Variants in PDGFC observed in about 807,000 individuals in gnomAD.
PDGFC encodes the protein platelet derived growth factor C.
A neutral mutation model predicts 35.5 loss-of-function variants in PDGFC; 12 were observed. The observed-to-expected ratio is 0.34, with a 90% CI of 0.22 to 0.55. The LOEUF is 0.55. Among genes scored for constraint, PDGFC ranks in the 20% least tolerant of loss-of-function variants. PDGFC has a pLI of 0.91. For synonymous variants in PDGFC, 159 were observed against 148.8 expected (o/e 1.07, Z -0.50); for missense variants, 322 against 412.4 (o/e 0.78, Z 1.90).
intron 1 of PDGFC, among the ~76,000 whole-genome samples, chr4:156,905,240 T>G (rs1320244817): frequency 2.0e-5 from 3 of 152,104 alleles, no homozygotes; most frequent in Non-Finnish European, 4.4e-5. Context: ...AATAAAAGTT[T>G]GGCAATCTGA....
chr4:156,773,884 C>T (rs1367941536), intron 3 of PDGFC, among the ~76,000 whole-genome samples: 1 of 152,178 alleles, frequency 6.6e-6, no homozygotes, highest in African/African-American at 2.4e-5. Flanking sequence ...AGACTGGAAG[C>T]AATCTAAATG....
intron 2 of PDGFC, among the ~76,000 whole-genome samples, chr4:156,813,601 G>A (rs780671559): frequency 6.6e-6 from 1 of 152,154 alleles, no homozygotes; most frequent in African/African-American, 2.4e-5. Context: ...GAAAGAAAGC[G>A]CTAAGCATGG....
intron 1 of PDGFC, among the ~76,000 whole-genome samples, chr4:156,913,287 T>C (rs532172990): frequency 2.6e-5 from 4 of 152,286 alleles, no homozygotes; most frequent in African/African-American, 4.8e-5. Context: ...TACAGAGCCC[T>C]ACAACGGAGT....
chr4:156,955,063 A>G (rs1732174140), intron 1 of PDGFC, among the ~76,000 whole-genome samples: 1 of 152,084 alleles, frequency 6.6e-6, no homozygotes, highest in African/African-American at 2.4e-5. Flanking sequence ...CTGAGAGTTT[A>G]GAGAAGAGAG....
At chr4:156,928,721 T>C (rs935101156) in intron 1 of PDGFC, among the ~76,000 whole-genome samples, 1 of 152,230 alleles carries the variant, frequency 6.6e-6, no homozygotes, top group African/African-American at 2.4e-5. Context: ...ATGAGAAATA[T>C]CCTTTTATGG....
At chr4:156,790,687 T>G (rs1429318711) in intron 3 of PDGFC, among the ~76,000 whole-genome samples, 2 of 152,214 alleles carry the variant, frequency 1.3e-5, no homozygotes, top group Non-Finnish European at 2.9e-5. Flanking sequence ...CCTCAAGATG[T>G]GAACTCCAAA....
At chr4:156,765,366 T>C (rs983676078) in intron 5 of PDGFC, among the ~76,000 whole-genome samples, 14 of 151,998 alleles carry the variant, frequency 9.2e-5, no homozygotes, top group South Asian at 6.2e-4. Flanking sequence ...AAATGATAAG[T>C]CCATGAAAAG....
intron 2 of PDGFC, among the ~76,000 whole-genome samples, chr4:156,817,659 T>C (rs1397337435): frequency 6.6e-6 from 1 of 152,014 alleles, no homozygotes; most frequent in Non-Finnish European, 1.5e-5. Flanking sequence ...TAACATGGAG[T>C]TTCATAGGAG....
chr4:156,774,083 AC>A (rs1473795374), intron 3 of PDGFC, among the ~76,000 whole-genome samples: 1 of 152,174 alleles, frequency 6.6e-6, no homozygotes, highest in Admixed American at 6.5e-5. Flanking sequence ...ATAAGATATT[AC>A]TGATCCTATG....
At chr4:156,850,106 A>T (rs751698787) in intron 2 of PDGFC, 115 bp downstream of exon 2, 18 of 533,964 alleles carry the variant, frequency 3.4e-5, no homozygotes, top group Non-Finnish European at 5.0e-5. Flanking sequence ...AATTTCTTAG[A>T]TCATCAGAAA....
chr4:156,938,439 C>T (rs1731732731), intron 1 of PDGFC, among the ~76,000 whole-genome samples: 1 of 152,054 alleles, frequency 6.6e-6, no homozygotes, highest in African/African-American at 2.4e-5. Flanking sequence ...TCCTGGGACC[C>T]ATAAAACTTT....
At chr4:156,857,292 A>C (rs1378508935) in intron 1 of PDGFC, among the ~76,000 whole-genome samples, 1 of 152,098 alleles carries the variant, frequency 6.6e-6, no homozygotes, top group Admixed American at 6.6e-5. Flanking sequence ...GTAAGATATA[A>C]CACATCATTG....
chr4:156,824,327 TACACACACACACACACACACAC>T (rs1204930651), intron 2 of PDGFC, among the ~76,000 whole-genome samples: 11 of 102,822 alleles, frequency 1.1e-4, no homozygotes, highest in East Asian at 6.8e-4. Context: ...TATATATATA[TACACACACACACACACACACAC>T]ATATACACAC....
At chr4:156,917,318 C>CA (rs1456314695) in intron 1 of PDGFC, among the ~76,000 whole-genome samples, 2 of 152,212 alleles carry the variant, frequency 1.3e-5, no homozygotes, top group Non-Finnish European at 2.9e-5. Flanking sequence ...ATCCCAAACA[C>CA]AGCCCTAGAA....
intron 2 of PDGFC, among the ~76,000 whole-genome samples, chr4:156,825,486 G>C (rs1732419980): frequency 6.7e-6 from 1 of 149,602 alleles, no homozygotes; most frequent in Admixed American, 6.7e-5. Context: ...GGAGGTCAAG[G>C]CTGCAGTGAG....
chr4:156,961,674 T>C (rs1433857336), intron 1 of PDGFC, among the ~76,000 whole-genome samples: 5 of 152,150 alleles, frequency 3.3e-5, no homozygotes, highest in African/African-American at 1.2e-4. Context: ...TAGCAATTAA[T>C]TTTCCACAAA....
intron 1 of PDGFC, among the ~76,000 whole-genome samples, chr4:156,951,411 A>C (rs2110938776): frequency 6.6e-6 from 1 of 151,848 alleles, no homozygotes; most frequent in South Asian, 2.1e-4. Context: ...TAATTTTTGA[A>C]ACCATTATTG....
chr4:156,808,326 A>G (rs553968468), intron 3 of PDGFC, among the ~76,000 whole-genome samples: 1 of 152,204 alleles, frequency 6.6e-6, no homozygotes, highest in East Asian at 1.9e-4. Context: ...ATAAACTAGT[A>G]GTTAATATTA....
At chr4:156,897,350 A>ATG (rs70956698) in intron 1 of PDGFC, among the ~76,000 whole-genome samples, 13,802 of 142,964 alleles carry the variant, frequency 0.097, 783 homozygotes, top group South Asian at 0.16. Context: ...GTGAGAGTGT[A>ATG]TGTGTGTGTG....
Sources: allele counts gnomAD v4.1 joint callset (sites outside exome capture counted in the v4.1 genomes callset), GRCh38; gene constraint gnomAD v4.1.1; transcripts MANE v1.5; gene names NCBI Gene and HGNC (gene_info 2026-07-23, HGNC 2026-07-21).